The following NTNG1 variants were observed in gnomAD, a reference collection of about 807,000 sequenced individuals.
NTNG1 encodes the protein netrin G1, also known as netrin-G1.
NTNG1 carries 16 observed loss-of-function variants against 54.0 expected under a neutral mutation model. The ratio of observed to expected loss-of-function variants is 0.30; its 90% CI spans 0.20 to 0.45. The LOEUF (loss-of-function observed/expected upper bound fraction) is 0.45, where lower values mean the gene tolerates loss of function less well. Among genes scored for constraint, NTNG1 ranks in the 20% least tolerant of loss-of-function variants. The pLI, the probability that NTNG1 is intolerant of heterozygous loss-of-function variation, is 1.00. For missense variants in NTNG1, 530 were observed against 678.7 expected, an observed-to-expected ratio of 0.78 and a Z score of 2.43; for synonymous variants, 255 against 263.1, an observed-to-expected ratio of 0.97 and a Z score of 0.30.
chr1:107,153,214 C>T (rs868171952), intron 2 of NTNG1, among the ~76,000 whole-genome samples: 1 of 152,140 alleles, frequency 6.6e-6, no homozygotes, highest in Non-Finnish European at 1.5e-5. Flanking sequence ...CTCATAATCT[C>T]AGGGCTATCT....
At chr1:107,358,362 T>C (rs1210948537) in intron 3 of NTNG1, among the ~76,000 whole-genome samples, 1 of 125,924 alleles carries the variant, frequency 7.9e-6, no homozygotes, top group Non-Finnish European at 1.7e-5. Flanking sequence ...GTACTTAATT[T>C]TTTTTTTTTT....
At chr1:107,173,736 T>TG (rs1656434198) in intron 2 of NTNG1, among the ~76,000 whole-genome samples, 1 of 151,660 alleles carries the variant, frequency 6.6e-6, no homozygotes. Flanking sequence ...TCTTTTTTTT[T>TG]TTTTGCCTGC....
At chr1:107,354,468 C>CAAAAAAAAAAAAAA (rs398049560) in intron 3 of NTNG1, among the ~76,000 whole-genome samples, 1 of 66,128 alleles carries the variant, frequency 1.5e-5, no homozygotes. Flanking sequence ...GACTCCATCT[C>CAAAAAAAAAAAAAA]AAAAAAAAAA....
intron 2 of NTNG1, among the ~76,000 whole-genome samples, chr1:107,166,855 T>A (rs1034032875): frequency 5.3e-5 from 8 of 152,130 alleles, no homozygotes; most frequent in South Asian, 2.1e-4. Flanking sequence ...ATATACAATA[T>A]CTACATAACA....
intron 3 of NTNG1, among the ~76,000 whole-genome samples, chr1:107,350,200 C>T (rs1349884995): frequency 6.6e-6 from 1 of 152,018 alleles, no homozygotes; most frequent in Non-Finnish European, 1.5e-5. Context: ...TGGGAAATAT[C>T]TTTCCCTGTA....
intron 7 of NTNG1, among the ~76,000 whole-genome samples, chr1:107,453,220 T>C (rs12117762): frequency 0.36 from 54,183 of 152,112 alleles, 10,329 homozygotes; most frequent in East Asian, 0.46. Context: ...CACAGTAAAC[T>C]TCAAGTTTGT....
At chr1:107,166,011 G>T (rs1233661514) in intron 2 of NTNG1, among the ~76,000 whole-genome samples, 1 of 152,198 alleles carries the variant, frequency 6.6e-6, no homozygotes, top group Non-Finnish European at 1.5e-5. Flanking sequence ...AACAATGACA[G>T]ACTGGCCTCT....
intron 2 of NTNG1, among the ~76,000 whole-genome samples, chr1:107,238,903 T>TA (rs772230724): frequency 0.01 from 1,529 of 145,684 alleles, 25 homozygotes; most frequent in East Asian, 0.061. Context: ...TGTATTAAGG[T>TA]AAAAAAAAAA....
intron 2 of NTNG1, among the ~76,000 whole-genome samples, chr1:107,167,892 T>C (rs76525210): frequency 6.6e-6 from 1 of 152,046 alleles, no homozygotes; most frequent in African/African-American, 2.4e-5. Context: ...TTTACAGTCA[T>C]AATTGATGCT....
At chr1:107,185,570 A>G (rs1383160411) in intron 2 of NTNG1, among the ~76,000 whole-genome samples, 3 of 152,170 alleles carry the variant, frequency 2.0e-5, no homozygotes, top group Admixed American at 2.0e-4. Flanking sequence ...CGTATTTCTA[A>G]AGAAGGTCAC....
At chr1:107,404,095 ATAT>A (rs2101128231) in intron 4 of NTNG1, among the ~76,000 whole-genome samples, 1 of 149,488 alleles carries the variant, frequency 6.7e-6, no homozygotes, top group East Asian at 1.9e-4. Flanking sequence ...ATATATATAT[ATAT>A]ATGTATAATT....
At chr1:107,448,923 T>C (rs149825509) in intron 7 of NTNG1, among the ~76,000 whole-genome samples, 40 of 152,196 alleles carry the variant, frequency 2.6e-4, no homozygotes, top group Non-Finnish European at 4.7e-4. Flanking sequence ...TATATTGCAT[T>C]TGGTTATGAA....
At chr1:107,336,158 C>T (rs1475993673) in intron 3 of NTNG1, among the ~76,000 whole-genome samples, 2 of 149,516 alleles carry the variant, frequency 1.3e-5, no homozygotes, top group South Asian at 2.1e-4. Context: ...AAGTTAGTGG[C>T]GTCACTGGGG....
chr1:107,438,424 G>A (rs1173304706), intron 7 of NTNG1, among the ~76,000 whole-genome samples: 1 of 152,186 alleles, frequency 6.6e-6, no homozygotes, highest in Non-Finnish European at 1.5e-5. Flanking sequence ...TAGTGCCTGG[G>A]AGAGTTGGTG....
At position 107,467,222 on chromosome 1, in the gene NTNG1, A is replaced by G. The variant is rs139106135; in HGVS notation, c.1391-13389A>G. On this transcript the variant is annotated intron_variant, in intron 7 of 7. Coordinates refer to ENST00000370068, the MANE Select transcript of NTNG1 (RefSeq NM_001113226.3). ...TCAAGAGGTAAGCAGCTATTGATTC[A>G]TCCAAGAAATTGTAGGAGTGAACGA... Among the ~76,000 whole-genome samples, 7 of 152,308 alleles carry G rather than the reference A, an allele frequency of 4.6e-5. No homozygotes were observed. In the East Asian group the frequency reaches 7.7e-4, roughly 17 times the overall value.
chr1:107,226,186 A>T (rs1421919016), intron 2 of NTNG1, among the ~76,000 whole-genome samples: 1 of 152,190 alleles, frequency 6.6e-6, no homozygotes, highest in African/African-American at 2.4e-5. Flanking sequence ...TAATATTGTT[A>T]TGACTATATT....
intron 2 of NTNG1, among the ~76,000 whole-genome samples, chr1:107,269,786 C>G (rs1664020414): frequency 6.6e-6 from 1 of 152,138 alleles, no homozygotes; most frequent in Non-Finnish European, 1.5e-5. Context: ...TTAGCAGATT[C>G]CATGGTTGAG....
At chr1:107,271,990 C>T (rs921588192) in intron 2 of NTNG1, among the ~76,000 whole-genome samples, 1 of 152,152 alleles carries the variant, frequency 6.6e-6, no homozygotes, top group Admixed American at 6.5e-5. Context: ...CTAAAACTGT[C>T]TCTTCTAGTT....
At chr1:107,186,681 C>A (rs1304596515) in intron 2 of NTNG1, among the ~76,000 whole-genome samples, 1 of 152,100 alleles carries the variant, frequency 6.6e-6, no homozygotes, top group East Asian at 1.9e-4. Flanking sequence ...AAAGACTTTG[C>A]GCTTGTGTTT....
Sources: gnomAD v4.1 joint callset for allele counts (sites outside exome capture counted in the v4.1 genomes callset) on GRCh38, gnomAD v4.1.1 for gene constraint, MANE v1.5 for transcripts, NCBI Gene and HGNC (gene_info 2026-07-23, HGNC 2026-07-21) for gene names.